STXBP5L: variants seen among roughly 807,000 people sequenced by gnomAD.
STXBP5L encodes syntaxin-binding protein 5-like.
Under a neutral mutation model 144.5 loss-of-function variants are expected in STXBP5L, and 65 were observed. The ratio of observed to expected loss-of-function variants is 0.45; its 90% CI spans 0.37 to 0.55. The LOEUF (loss-of-function observed/expected upper bound fraction) is 0.55, where lower values mean the gene tolerates loss of function less well. Ranked by LOEUF, STXBP5L falls within the 20% of genes least tolerant of loss-of-function variation. The pLI, the probability that STXBP5L is intolerant of heterozygous loss-of-function variation, is 0.00. For missense variants in STXBP5L, 1,298 were observed against 1,405.5 expected (o/e 0.92, Z 1.22); for synonymous variants, 505 against 469.6 (o/e 1.08, Z -0.97).
Position 120,940,965 on chromosome 3 carries a change from T to G in STXBP5L, c.190-13975T>G, listed in dbSNP as rs1710540165. On this transcript the variant is annotated intron_variant, in intron 2 of 26. Transcript: ENST00000471454. ...TAGTATGAGAGATGATGAGATAGTTTAGAGATGGTAAATGAATTTAATTTG... is the reference window on the plus strand; with the variant it reads ...TAGTATGAGAGATGATGAGATAGTTGAGAGATGGTAAATGAATTTAATTTG... Among the ~76,000 whole-genome samples, 3 of 151,808 alleles carry G rather than the reference T, an allele frequency of 2.0e-5. No homozygotes were observed. In the South Asian group the frequency reaches 6.2e-4, roughly 31 times the overall value.
At chr3:120,964,335 T>G (rs1014386345) in intron 3 of STXBP5L, among the ~76,000 whole-genome samples, 1 of 152,212 alleles carries the variant, frequency 6.6e-6, no homozygotes, top group African/African-American at 2.4e-5. Flanking sequence ...TTGTTTGCTC[T>G]TGCTTCTCTA....
At chr3:121,010,773 A>T (rs1048583173) in intron 3 of STXBP5L, among the ~76,000 whole-genome samples, 1 of 151,942 alleles carries the variant, frequency 6.6e-6, no homozygotes, top group African/African-American at 2.4e-5. Context: ...TAAGAAAATC[A>T]TAAGAAAGAG....
intron 19 of STXBP5L, among the ~76,000 whole-genome samples, chr3:121,302,855 C>A (rs894705825): frequency 5.9e-5 from 9 of 152,290 alleles, no homozygotes; most frequent in African/African-American, 2.2e-4. Flanking sequence ...TGGATCCCTT[C>A]CTTACACCTT....
intron 3 of STXBP5L, among the ~76,000 whole-genome samples, chr3:120,985,025 G>A (rs927842385): frequency 2.6e-5 from 4 of 151,958 alleles, no homozygotes; most frequent in South Asian, 2.1e-4. Context: ...TGGTCATGGT[G>A]TATAATTCTT....
intron 5 of STXBP5L, among the ~76,000 whole-genome samples, chr3:121,048,688 CTTT>C (rs11444329): frequency 1.4e-5 from 2 of 141,028 alleles, no homozygotes. Flanking sequence ...CAGTTAGAGT[CTTT>C]TTTTTTTTTT....
chr3:121,107,334 T>C (rs2043760626), intron 5 of STXBP5L, among the ~76,000 whole-genome samples: 1 of 152,086 alleles, frequency 6.6e-6, no homozygotes, highest in South Asian at 2.1e-4. Context: ...TCTTCCAGAG[T>C]TTTTATAGTT....
intron 2 of STXBP5L, among the ~76,000 whole-genome samples, chr3:120,916,391 C>G (rs1709102653): frequency 6.6e-6 from 1 of 152,108 alleles, no homozygotes; most frequent in Admixed American, 6.5e-5. Flanking sequence ...ACCTCCATCT[C>G]CTGGGTTCAA....
intron 5 of STXBP5L, among the ~76,000 whole-genome samples, chr3:121,050,146 A>C (rs951418790): frequency 1.3e-5 from 2 of 152,120 alleles, no homozygotes; most frequent in African/African-American, 4.8e-5. Context: ...GTTCTGGTTG[A>C]AGAGCTAGTG....
Position 121,357,608 on chromosome 3 carries a change from T to G in STXBP5L, c.2177-21108T>G, listed in dbSNP as rs578016241. The G allele has an allele frequency of 3.7e-4, 57 of 152,324 alleles. No individual in the cohort carries two copies. In the South Asian group the frequency reaches 0.01, roughly 28 times the overall value. 9.4% of individuals were successfully genotyped at this position (152,324 alleles called of 1,614,324 possible). A position where few individuals can be genotyped will look rare whatever the true frequency, so the allele number is the denominator to read the frequency against. On this transcript the variant is annotated intron_variant, in intron 20 of 26. Coordinates refer to ENST00000471454, the MANE Select transcript of STXBP5L (RefSeq NM_001308330.2). ...GCCTGGATGAGCTATGATAGCAACA[T>G]GTTCTTTACTGATGCTTCAGAGTGC...
chr3:121,046,449 T>C (rs958648332), intron 5 of STXBP5L, among the ~76,000 whole-genome samples: 4 of 152,168 alleles, frequency 2.6e-5, no homozygotes, highest in African/African-American at 9.7e-5. Flanking sequence ...AGCTATTCTT[T>C]ATGCATCTGG....
At chr3:121,002,182 TTG>T (rs1192692939) in intron 3 of STXBP5L, among the ~76,000 whole-genome samples, 3 of 152,192 alleles carry the variant, frequency 2.0e-5, no homozygotes, top group Non-Finnish European at 4.4e-5. Context: ...TAGTGTACAG[TTG>T]TTTCTTTTTC....
intron 7 of STXBP5L, among the ~76,000 whole-genome samples, chr3:121,126,047 T>G (rs2107871054): frequency 6.6e-6 from 1 of 152,260 alleles, no homozygotes; most frequent in East Asian, 1.9e-4. Flanking sequence ...AATAGTAGAG[T>G]GATAATGAAT....
At chr3:120,928,981 CAGA>C (rs1023813702) in intron 2 of STXBP5L, among the ~76,000 whole-genome samples, 3 of 152,000 alleles carry the variant, frequency 2.0e-5, no homozygotes, top group African/African-American at 7.3e-5. Flanking sequence ...CAAACGCAGG[CAGA>C]AGAGTGGGAG....
At chr3:121,109,491 T>C (rs532082444) in intron 5 of STXBP5L, among the ~76,000 whole-genome samples, 45 of 152,340 alleles carry the variant, frequency 3.0e-4, no homozygotes, top group Non-Finnish European at 3.1e-4. Flanking sequence ...CCAGGAGTCA[T>C]TCAGGAGCAT....
At chr3:121,004,558 A>G (rs1415347684) in intron 3 of STXBP5L, among the ~76,000 whole-genome samples, 1 of 151,818 alleles carries the variant, frequency 6.6e-6, no homozygotes, top group Admixed American at 6.6e-5. Flanking sequence ...CTCCTGCCTG[A>G]TTGCCCTGGC....
At chr3:121,230,849 C>T (rs1362858857) in intron 11 of STXBP5L, among the ~76,000 whole-genome samples, 1 of 152,136 alleles carries the variant, frequency 6.6e-6, no homozygotes, top group Non-Finnish European at 1.5e-5. Context: ...GCTGAAGCCC[C>T]TTACTGAATT....
chr3:121,134,960 A>G (rs2045176933), intron 7 of STXBP5L, among the ~76,000 whole-genome samples: 1 of 152,040 alleles, frequency 6.6e-6, no homozygotes, highest in Non-Finnish European at 1.5e-5. Flanking sequence ...TTCTAGTTCT[A>G]GATCCTTGAG....
chr3:121,251,940 A>G (rs1478951474), intron 15 of STXBP5L, among the ~76,000 whole-genome samples: 4 of 152,216 alleles, frequency 2.6e-5, no homozygotes, highest in Non-Finnish European at 5.9e-5. Context: ...GAGAAACTCC[A>G]AAGGACAACA....
intron 22 of STXBP5L, among the ~76,000 whole-genome samples, chr3:121,401,950 A>G (rs2046888119): frequency 6.6e-6 from 1 of 152,148 alleles, no homozygotes; most frequent in African/African-American, 2.4e-5. Context: ...GGTGGAGGAC[A>G]ATGAGCACAT....
Sources: allele counts gnomAD v4.1 joint callset (sites outside exome capture counted in the v4.1 genomes callset), GRCh38; gene constraint gnomAD v4.1.1; transcripts MANE v1.5; gene names NCBI Gene and HGNC (gene_info 2026-07-23, HGNC 2026-07-21).